RAPGEF2: variants seen among roughly 807,000 people sequenced by gnomAD.
RAPGEF2 encodes PDZ domain containing guanine nucleotide exchange factor (GEF) 1.
RAPGEF2 carries 54 observed loss-of-function variants against 186.7 expected under a neutral mutation model. That is an observed-to-expected ratio of 0.29 (90% confidence interval 0.23 to 0.36). RAPGEF2 has a LOEUF of 0.36. Ranked by LOEUF, RAPGEF2 falls within the 10% of genes least tolerant of loss-of-function variation. RAPGEF2 has a pLI of 1.00. For synonymous variants in RAPGEF2, 712 were observed against 705.9 expected, an observed-to-expected ratio of 1.01 and a Z score of -0.14; for missense variants, 1,532 against 2,045.0, an observed-to-expected ratio of 0.75 and a Z score of 4.84.
chr4:159,314,287 G>A (rs1764287886), intron 8 of RAPGEF2, among the ~76,000 whole-genome samples: 1 of 152,100 alleles, frequency 6.6e-6, no homozygotes, highest in Non-Finnish European at 1.5e-5. Flanking sequence ...TTGAAGAATG[G>A]AGTGAAAACA....
At chr4:159,125,765 A>C (rs1228571916) in intron 1 of RAPGEF2, among the ~76,000 whole-genome samples, 1 of 152,020 alleles carries the variant, frequency 6.6e-6, no homozygotes, top group African/African-American at 2.4e-5. Flanking sequence ...CTCGAAAAAA[A>C]AAAAAAATAA....
Position 159,319,464 on chromosome 4 carries a change from C to G in RAPGEF2, c.854-2883C>G, listed in dbSNP as rs567936686. 1.0e-3 allele frequency among the ~76,000 whole-genome samples: 153 copies of G among 151,738 alleles called. 1 individual carries two copies. The highest frequency in any genetic ancestry group is 3.4e-3 in the Middle Eastern group (1 of 292). On this transcript the variant is annotated intron_variant, in intron 9 of 29. Coordinates refer to ENST00000691494, the MANE Select transcript of RAPGEF2 (RefSeq NM_001394067.2). ...AAAAATTGTCTTTCACGAAACCTGCCCCTGGTGCCAAAAAGGTTGGAGACT... is the reference window on the plus strand; with the variant it reads ...AAAAATTGTCTTTCACGAAACCTGCGCCTGGTGCCAAAAAGGTTGGAGACT...
At position 159,234,452 on chromosome 4, in the gene RAPGEF2, G is replaced by A. The variant is rs375610260; in HGVS notation, c.282-4357G>A. The stretch of plus-strand genomic sequence containing the variant: ...GGCTGGAGTGTAGTGGAACGATCTC[G>A]TCTCACCGCAACCTCTGCCTTCCGG... On this transcript the variant is annotated intron_variant, in intron 4 of 29. Transcript: ENST00000691494. Among the ~76,000 whole-genome samples the A allele has an allele frequency of 1.7e-3, 253 of 151,958 alleles. 1 individual carries two copies. Among genetic ancestry groups the A allele is most frequent in the African/African-American group, 5.0e-3 (209 of 41,438 alleles).
chr4:159,308,865 G>GT (rs750111582), intron 8 of RAPGEF2, among the ~76,000 whole-genome samples: 2 of 152,288 alleles, frequency 1.3e-5, no homozygotes, highest in Non-Finnish European at 2.9e-5. Flanking sequence ...GAGTTCATTT[G>GT]TTGAGAGTGA....
chr4:159,104,320 G>C, intron 1 of RAPGEF2, 89 bp downstream of exon 1: 1 of 578,142 alleles, frequency 1.7e-6, no homozygotes, highest in South Asian at 2.1e-5. Context: ...TCCTGACACA[G>C]TTCGCCCCGA....
intron 3 of RAPGEF2, 41 bp from the exon 4 acceptor site, chr4:159,210,459 G>A: frequency 1.5e-6 from 2 of 1,359,058 alleles, no homozygotes; most frequent in Admixed American, 2.0e-5. Flanking sequence ...TGTTGTTGTT[G>A]TTATAGGTAA....
chr4:159,274,477 G>A (rs1391224788), intron 7 of RAPGEF2, among the ~76,000 whole-genome samples: 4 of 152,222 alleles, frequency 2.6e-5, no homozygotes, highest in Non-Finnish European at 5.9e-5. Context: ...ATAACCATGT[G>A]AGCATGTATA....
At chr4:159,255,413 G>C (rs1239135439) in intron 7 of RAPGEF2, among the ~76,000 whole-genome samples, 12 of 146,582 alleles carry the variant, frequency 8.2e-5, no homozygotes, top group East Asian at 2.0e-4. Flanking sequence ...CTGTCTCCTT[G>C]TTCTTATATT....
chr4:159,207,210 C>A (rs1337684568), intron 3 of RAPGEF2, among the ~76,000 whole-genome samples: 1 of 152,164 alleles, frequency 6.6e-6, no homozygotes, highest in Non-Finnish European at 1.5e-5. Context: ...GTAGAGATTA[C>A]CACTTACCTT....
At chr4:159,351,164 C>G (rs1731117079) in intron 26 of RAPGEF2, 10 of 1,534,988 alleles carry the variant, frequency 6.5e-6, no homozygotes, top group African/African-American at 1.4e-5. Flanking sequence ...AACAATGCAC[C>G]ACGGACCTAT....
chr4:159,289,136 T>C (rs1405430040), intron 7 of RAPGEF2, among the ~76,000 whole-genome samples: 2 of 152,152 alleles, frequency 1.3e-5, no homozygotes, highest in Non-Finnish European at 2.9e-5. Context: ...GGGTGTAAGT[T>C]TCAGGGAGCA....
intron 1 of RAPGEF2, among the ~76,000 whole-genome samples, chr4:159,184,093 A>G (rs1340417533): frequency 2.0e-5 from 3 of 152,154 alleles, no homozygotes; most frequent in African/African-American, 7.2e-5. Context: ...ATGGCTGCAT[A>G]TTATTCCATG....
At chr4:159,254,767 C>T (rs150438297) in intron 7 of RAPGEF2, among the ~76,000 whole-genome samples, 2,330 of 152,192 alleles carry the variant, frequency 0.015, 64 homozygotes, top group African/African-American at 0.052. Flanking sequence ...TGCCACCACG[C>T]CTGGCTAATT....
intron 19 of RAPGEF2, among the ~76,000 whole-genome samples, chr4:159,341,185 G>A (rs1300341350): frequency 6.6e-6 from 1 of 152,186 alleles, no homozygotes; most frequent in African/African-American, 2.4e-5. Context: ...GAGTGATGAC[G>A]TACTTGGGTC....
chr4:159,216,190 A>C (rs1750976726), intron 4 of RAPGEF2, among the ~76,000 whole-genome samples: 2 of 152,128 alleles, frequency 1.3e-5, no homozygotes, highest in Non-Finnish European at 2.9e-5. Flanking sequence ...GGAATATTCA[A>C]AGGAAGCAAG....
At chr4:159,278,516 G>C (rs1759238551) in intron 7 of RAPGEF2, among the ~76,000 whole-genome samples, 1 of 152,214 alleles carries the variant, frequency 6.6e-6, no homozygotes, top group South Asian at 2.1e-4. Context: ...ATCTGACTTA[G>C]AAGTGAAACT....
intron 7 of RAPGEF2, among the ~76,000 whole-genome samples, chr4:159,255,559 T>C (rs1756060257): frequency 6.6e-6 from 1 of 152,160 alleles, no homozygotes; most frequent in Admixed American, 6.5e-5. Context: ...AGAGCTGCCT[T>C]TGGAAAGGCA....
chr4:159,357,254 T>C (rs1034875824), intron 29 of RAPGEF2, among the ~76,000 whole-genome samples: 1 of 152,078 alleles, frequency 6.6e-6, no homozygotes, highest in African/African-American at 2.4e-5. Flanking sequence ...CTAGCTACTA[T>C]GGAGGCTGAA....
chr4:159,254,942 T>C (rs911156071), intron 7 of RAPGEF2, among the ~76,000 whole-genome samples: 2 of 152,186 alleles, frequency 1.3e-5, no homozygotes, highest in East Asian at 3.9e-4. Flanking sequence ...TAATGACATT[T>C]TTGTCAGTGA....
Sources: gnomAD v4.1 joint callset for allele counts (sites outside exome capture counted in the v4.1 genomes callset) on GRCh38, gnomAD v4.1.1 for gene constraint, MANE v1.5 for transcripts, NCBI Gene and HGNC (gene_info 2026-07-23, HGNC 2026-07-21) for gene names.